Variants in SH2D4B observed in about 807,000 individuals in gnomAD.
The protein encoded by SH2D4B is SH2 domain-containing protein 4B.
In SH2D4B, 45 loss-of-function variants were observed where a neutral mutation model predicts 61.5. That is an observed-to-expected ratio of 0.73 (90% CI 0.58 to 0.94). The LOEUF is 0.94. Among genes scored for constraint, SH2D4B ranks in the 40% least tolerant of loss-of-function variants. SH2D4B has a pLI of 0.00. For synonymous variants in SH2D4B, 224 were observed against 220.4 expected (o/e 1.02, Z -0.14); for missense variants, 572 against 574.2 (o/e 1.00, Z 0.04).
At chr10:80,635,639 T>A (rs973624775) in intron 7 of SH2D4B, among the ~76,000 whole-genome samples, 1 of 152,062 alleles carries the variant, frequency 6.6e-6, no homozygotes, top group African/African-American at 2.4e-5. Flanking sequence ...TTTCTACGTG[T>A]TGGAAAGAGC....
chr10:80,538,491 C>A lies in SH2D4B; in HGVS notation c.160C>A (p.Leu54Ile). 7.0e-7 allele frequency: 1 copy of A among 1,430,326 alleles called. No homozygotes were observed. The highest frequency in any genetic ancestry group is 9.2e-7 in the Non-Finnish European group (1 of 1,090,666). The allele number at this position is 1,430,326 out of a possible 1,614,324, so 88.6% of individuals were successfully genotyped here. ...GGAGGCCCTGGCCCAGGACGAGGGT[C>A]TCAGGCCTCCAAAGACCAAGCGAGG... Reference protein sequence around the residue: ...TWEALAQDEGLRPPKTKRAAS... With the variant: ...TWEALAQDEGIRPPKTKRAAS... The change falls in exon 1 of 8, where the codon CTC becomes ATC. Residue 54 changes from leucine to isoleucine, a missense_variant. Transcript: ENST00000646907. The surrounding 1 kb of genome is among the most constrained non-coding windows in gnomAD (Gnocchi z 4.8).
At position 80,625,916 on chromosome 10, in the gene SH2D4B, A is replaced by T. The variant is rs183084160; in HGVS notation, c.989-8369A>T. ...GATCTGTACTTGGTTGAATCTGCAG[A>T]TGCAGAGCCCACAGACAGGGAAGGC... On this transcript the variant is annotated intron_variant, in intron 6 of 7. Transcript: ENST00000646907. Among the ~76,000 whole-genome samples, 237 of 152,278 alleles carry T rather than the reference A, an allele frequency of 1.6e-3. 2 individuals carry two copies. Among genetic ancestry groups the T allele is most frequent in the African/African-American group, 5.5e-3 (227 of 41,560 alleles).
chr10:80,563,062 C>T (rs1208960451), intron 1 of SH2D4B, among the ~76,000 whole-genome samples: 1 of 151,502 alleles, frequency 6.6e-6, no homozygotes, highest in Admixed American at 6.6e-5. Context: ...CCACTACGCC[C>T]GGCTAATTTT....
Position 80,570,335 on chromosome 10 carries a change from T to G in SH2D4B, c.347+19T>G, listed in dbSNP as rs1180155194. On this transcript the variant is annotated intron_variant, in intron 2 of 7. Transcript: ENST00000646907. ...AGCTCTGGTGAGGGGTGCTATGGGGTGTTGGGTGGGGCCTAGGCATGGAAG... is the reference window on the plus strand; with the variant it reads ...AGCTCTGGTGAGGGGTGCTATGGGGGGTTGGGTGGGGCCTAGGCATGGAAG... 1 of 1,611,044 alleles carries G rather than the reference T, an allele frequency of 6.2e-7. No individual in the cohort carries two copies. Among genetic ancestry groups the G allele is most frequent in the South Asian group, 1.1e-5 (1 of 90,944 alleles).
intron 6 of SH2D4B, among the ~76,000 whole-genome samples, chr10:80,610,868 C>G (rs1004204051): frequency 2.0e-5 from 3 of 152,176 alleles, no homozygotes; most frequent in Non-Finnish European, 4.4e-5. Context: ...GGAGCTGCCT[C>G]TATTTAAAAC....
intron 3 of SH2D4B, among the ~76,000 whole-genome samples, chr10:80,572,327 A>C (rs1842057799): frequency 6.6e-6 from 1 of 152,144 alleles, no homozygotes; most frequent in Non-Finnish European, 1.5e-5. Context: ...GTCTAGGATA[A>C]AGAGTTATTG....
At chr10:80,641,672 A>G (rs1840313114) in intron 7 of SH2D4B, among the ~76,000 whole-genome samples, 2 of 152,262 alleles carry the variant, frequency 1.3e-5, no homozygotes, top group African/African-American at 4.8e-5. Context: ...TGCTTTAGCA[A>G]TGATGAGCTC....
intron 1 of SH2D4B, among the ~76,000 whole-genome samples, chr10:80,561,418 G>C (rs1013217414): frequency 1.3e-5 from 2 of 152,164 alleles, no homozygotes; most frequent in African/African-American, 4.8e-5. Flanking sequence ...ATAAGTCAGT[G>C]TTTGGAAGAT....
At chr10:80,575,225 A>T (rs1319709950) in intron 3 of SH2D4B, among the ~76,000 whole-genome samples, 1 of 146,452 alleles carries the variant, frequency 6.8e-6, no homozygotes, top group African/African-American at 2.5e-5. Flanking sequence ...TAATTGGTGA[A>T]TTTAAATGGA....
chr10:80,560,770 A>G (rs1423192748), intron 1 of SH2D4B, among the ~76,000 whole-genome samples: 1 of 147,346 alleles, frequency 6.8e-6, no homozygotes. Context: ...GTGATTCTCA[A>G]AGTGTTGTTC....
At chr10:80,603,544 G>A (rs34533074) in intron 4 of SH2D4B, 35 bp from the exon 5 acceptor site, 104,959 of 1,494,294 alleles carry the variant, frequency 0.07, 4,198 homozygotes, top group Admixed American at 0.13. Flanking sequence ...CCTGGGCTGC[G>A]GATCTGGGCT....
chr10:80,585,975 G>C (rs1307270913), intron 3 of SH2D4B, among the ~76,000 whole-genome samples: 1 of 152,112 alleles, frequency 6.6e-6, no homozygotes, highest in Non-Finnish European at 1.5e-5. Context: ...TCGGAGCGTC[G>C]AGCCGGCCCC....
chr10:80,602,007 A>G (rs947431744), intron 4 of SH2D4B, among the ~76,000 whole-genome samples: 7 of 152,212 alleles, frequency 4.6e-5, no homozygotes, highest in Non-Finnish European at 1.0e-4. Context: ...ATGCAGTGAG[A>G]CTACAAAATA....
chr10:80,614,946 T>C (rs1305071926), intron 6 of SH2D4B, among the ~76,000 whole-genome samples: 1 of 152,162 alleles, frequency 6.6e-6, no homozygotes. Flanking sequence ...GCAATGGTGA[T>C]CCCCTCCTGG....
intron 6 of SH2D4B, among the ~76,000 whole-genome samples, chr10:80,618,689 G>A (rs980568910): frequency 1.3e-5 from 2 of 152,170 alleles, no homozygotes; most frequent in African/African-American, 2.4e-5. Flanking sequence ...CCGTTGAGGC[G>A]TAGCTGCGGT....
chr10:80,569,194 C>T (rs750122525), intron 1 of SH2D4B, among the ~76,000 whole-genome samples: 3 of 152,160 alleles, frequency 2.0e-5, no homozygotes, highest in Non-Finnish European at 2.9e-5. Context: ...ACTCAGGGCC[C>T]CAGGCTGCTT....
intron 3 of SH2D4B, among the ~76,000 whole-genome samples, chr10:80,579,732 G>C (rs192390037): frequency 1.5e-4 from 23 of 150,856 alleles, no homozygotes; most frequent in African/African-American, 5.6e-4. Flanking sequence ...AGTTCCTTTT[G>C]GCCACCTAAT....
chr10:80,622,579 A>G (rs1589360979), intron 6 of SH2D4B, among the ~76,000 whole-genome samples: 1 of 151,806 alleles, frequency 6.6e-6, no homozygotes, highest in East Asian at 1.9e-4. Flanking sequence ...ATTTGCCTGT[A>G]TTTTGCTCAA....
At chr10:80,545,182 C>G (rs907647663) in intron 1 of SH2D4B, among the ~76,000 whole-genome samples, 1 of 152,174 alleles carries the variant, frequency 6.6e-6, no homozygotes, top group Non-Finnish European at 1.5e-5. Flanking sequence ...CCAACTATCA[C>G]CACTGTCTAG....
Sources: allele counts gnomAD v4.1 joint callset (sites outside exome capture counted in the v4.1 genomes callset), GRCh38; gene constraint gnomAD v4.1.1; non-coding constraint Gnocchi (gnomAD v3.1); transcripts MANE v1.5; gene names NCBI Gene and HGNC (gene_info 2026-07-23, HGNC 2026-07-21).